Variants in ARHGEF28 observed in about 807,000 individuals in gnomAD.
The protein encoded by ARHGEF28 is 190 kDa guanine nucleotide exchange factor.
In ARHGEF28, 152 loss-of-function variants were observed where a neutral mutation model predicts 206.6. The observed-to-expected ratio is 0.74, with a 90% CI of 0.64 to 0.84. The LOEUF (loss-of-function observed/expected upper bound fraction) is 0.84, where lower values mean the gene tolerates loss of function less well. ARHGEF28 is among the 40% of genes least tolerant of loss of function. The pLI is 0.00. For missense variants in ARHGEF28, 2,028 were observed against 2,073.2 expected (o/e 0.98, Z 0.42); for synonymous variants, 763 against 776.4 (o/e 0.98, Z 0.29).
chr5:73,654,996 T>C (rs1044546193), intron 1 of ARHGEF28, among the ~76,000 whole-genome samples: 2 of 152,204 alleles, frequency 1.3e-5, no homozygotes, highest in Admixed American at 6.5e-5. Flanking sequence ...TGAATACTAA[T>C]GTAAAATCTC....
intron 1 of ARHGEF28, among the ~76,000 whole-genome samples, chr5:73,638,890 T>G (rs1473084495): frequency 2.0e-5 from 3 of 152,180 alleles, no homozygotes; most frequent in Non-Finnish European, 4.4e-5. Context: ...GTTGTTAACT[T>G]TTTTCTATAG....
chr5:73,688,857 T>C (rs566831841), intron 2 of ARHGEF28, among the ~76,000 whole-genome samples: 2 of 152,348 alleles, frequency 1.3e-5, no homozygotes, highest in South Asian at 2.1e-4. Context: ...CATTTCACCA[T>C]GTTGGCCAGG....
At chr5:73,748,517 T>A (rs1751860346) in intron 2 of ARHGEF28, among the ~76,000 whole-genome samples, 1 of 152,254 alleles carries the variant, frequency 6.6e-6, no homozygotes, top group Non-Finnish European at 1.5e-5. Flanking sequence ...TTGTTTTTGA[T>A]CCTGATTGGC....
chr5:73,716,462 A>G (rs1037123610), intron 2 of ARHGEF28, among the ~76,000 whole-genome samples: 1 of 152,308 alleles, frequency 6.6e-6, no homozygotes, highest in East Asian at 1.9e-4. Flanking sequence ...GATAATGCTT[A>G]TTGCTAGTGC....
In ARHGEF28 at chr5:73,893,267, G is replaced by A. The variant is rs774996875; in HGVS notation, c.3637G>A (p.Ala1213Thr). Residue 1213 changes from alanine (A) to threonine (T), a missense_variant, in exon 28 of 36, where the codon GCC becomes ACC. By Grantham distance (58) the Ala-to-Thr change is moderately conservative. Around this residue, in one of 3 missense-constraint regions of ARHGEF28, gnomAD observed 803 missense variants for 768.0 expected, o/e 1.05. Transcript: ENST00000513042. ...CAAGAGGAAAGCTGAAGCCAGAGTG[G>A]CCAAAATTCAGCAATGTCAAGGTAC... The part of the protein sequence containing the change: ...EDKRKAEARV[A>T]KIQQCQEILT... The A allele has an allele frequency of 6.4e-7, 1 of 1,556,002 alleles. No homozygotes were observed.
intron 18 of ARHGEF28, among the ~76,000 whole-genome samples, chr5:73,867,314 T>G (rs1216734643): frequency 6.6e-6 from 1 of 152,158 alleles, no homozygotes; most frequent in Non-Finnish European, 1.5e-5. Context: ...GCCCAGAATA[T>G]TTTAGAACTG....
At chr5:73,766,324 T>C (rs1371662736) in intron 4 of ARHGEF28, among the ~76,000 whole-genome samples, 1 of 152,256 alleles carries the variant, frequency 6.6e-6, no homozygotes, top group Non-Finnish European at 1.5e-5. Flanking sequence ...TTTTAGATTA[T>C]GGTATCCATC....
chr5:73,786,498 A>G (rs973252311), intron 7 of ARHGEF28: 1 of 152,164 alleles, frequency 6.6e-6, no homozygotes, highest in Non-Finnish European at 1.5e-5. Context: ...CATTGGAAAC[A>G]TTGCCTTGAA....
intron 13 of ARHGEF28, among the ~76,000 whole-genome samples, chr5:73,849,593 A>G (rs1214112608): frequency 3.3e-5 from 5 of 150,568 alleles, no homozygotes; most frequent in Admixed American, 1.3e-4. Flanking sequence ...TTTGGTGGCA[A>G]TGTAGGCAAT....
At chr5:73,802,472 G>C (rs906025698) in intron 9 of ARHGEF28, among the ~76,000 whole-genome samples, 1 of 152,084 alleles carries the variant, frequency 6.6e-6, no homozygotes, top group Non-Finnish European at 1.5e-5. Flanking sequence ...GGGAAAAATG[G>C]CAGTACTTTC....
chr5:73,736,776 A>C (rs963963110), intron 2 of ARHGEF28, among the ~76,000 whole-genome samples: 1 of 151,808 alleles, frequency 6.6e-6, no homozygotes, highest in South Asian at 2.1e-4. Context: ...AATATCTGCA[A>C]ATAGGTACCT....
intron 2 of ARHGEF28, among the ~76,000 whole-genome samples, chr5:73,688,694 G>T (rs1747621120): frequency 6.6e-6 from 1 of 152,076 alleles, no homozygotes; most frequent in African/African-American, 2.4e-5. Context: ...GTCTCACTCT[G>T]TCTCCAGGCT....
chr5:73,724,033 C>A (rs1417718363), intron 2 of ARHGEF28, among the ~76,000 whole-genome samples: 2 of 152,204 alleles, frequency 1.3e-5, no homozygotes, highest in African/African-American at 4.8e-5. Flanking sequence ...GGTACCTGTG[C>A]CAGGGTCTGC....
intron 1 of ARHGEF28, among the ~76,000 whole-genome samples, chr5:73,684,239 C>T (rs992225553): frequency 6.6e-6 from 1 of 152,176 alleles, no homozygotes; most frequent in Non-Finnish European, 1.5e-5. Context: ...TCCATTCTCC[C>T]CAACGTCCAG....
chr5:73,922,341 A>G (rs916075594), intron 35 of ARHGEF28, among the ~76,000 whole-genome samples: 1 of 152,248 alleles, frequency 6.6e-6, no homozygotes, highest in Non-Finnish European at 1.5e-5. Context: ...CTTTGTAGAA[A>G]TGATTCAGAA....
At chr5:73,864,719 GT>G (rs1003707314) in intron 16 of ARHGEF28, 97 bp from the exon 17 acceptor site, 8 of 1,055,046 alleles carry the variant, frequency 7.6e-6, no homozygotes, top group Middle Eastern at 2.1e-4. Flanking sequence ...ATGTTTATGT[GT>G]TTTTTTATAA....
rs1448656488 is a variant in ARHGEF28, at chr5:73,767,923, C to T, written c.476-5932C>T. ...CTGGGCCCAGGGTCCCCATGTTGTG[C>T]AGCCTAGGGACTTGGTGCTTGGCAT... is the stretch of plus-strand genomic sequence containing the variant. On this transcript the variant is annotated intron_variant, in intron 4 of 35. Coordinates refer to ENST00000513042, the MANE Select transcript of ARHGEF28 (RefSeq NM_001177693.2). 3.9e-5 allele frequency among the ~76,000 whole-genome samples: 6 copies of T among 152,242 alleles called. No individual in the cohort carries two copies. The South Asian group carries it at 6.2e-4, about 16-fold the overall frequency.
intron 2 of ARHGEF28, among the ~76,000 whole-genome samples, chr5:73,708,924 C>T (rs1409389274): frequency 6.6e-6 from 1 of 152,096 alleles, no homozygotes; most frequent in African/African-American, 2.4e-5. Context: ...GAGATAATAT[C>T]TCATCTCTCT....
chr5:73,669,258 A>C (rs1470250909), intron 1 of ARHGEF28, among the ~76,000 whole-genome samples: 1 of 152,236 alleles, frequency 6.6e-6, no homozygotes, highest in Admixed American at 6.5e-5. Flanking sequence ...AACTCATTGG[A>C]AAATGTAAAT....
Sources: allele counts gnomAD v4.1 joint callset (sites outside exome capture counted in the v4.1 genomes callset), GRCh38; gene constraint gnomAD v4.1.1; regional missense constraint gnomAD v4.1.1; transcripts MANE v1.5; gene names NCBI Gene and HGNC (gene_info 2026-07-23, HGNC 2026-07-21).